Variants in SPOCK1 observed in about 807,000 individuals in gnomAD.
The protein encoded by SPOCK1 is SPARC (osteonectin), cwcv and kazal like domains proteoglycan 1, also known as testican-1.
Under a neutral mutation model 55.3 loss-of-function variants are expected in SPOCK1, and 23 were observed. The ratio of observed to expected loss-of-function variants is 0.42; its 90% CI spans 0.30 to 0.59. The LOEUF (loss-of-function observed/expected upper bound fraction) is 0.59, where lower values mean the gene tolerates loss of function less well. Among genes scored for constraint, SPOCK1 ranks in the 20% least tolerant of loss-of-function variants. SPOCK1 has a pLI of 0.22. For missense variants in SPOCK1, 499 were observed against 552.5 expected, an observed-to-expected ratio of 0.90 and a Z score of 0.97; for synonymous variants, 226 against 221.0, an observed-to-expected ratio of 1.02 and a Z score of -0.20.
In SPOCK1 at chr5:137,241,211, C is replaced by T. The variant is rs568666307; in HGVS notation, c.232+25799G>A. Among the ~76,000 whole-genome samples the T allele has an allele frequency of 3.2e-4, 48 of 152,216 alleles. 1 individual carries two copies. The South Asian group carries it at 9.8e-3, about 31-fold the overall frequency. ...AGGCCTTTAAGACATGCCTGAAAAT[C>T]CAGAAGCCATAAAATTCGAGGTTAA... On this transcript the variant is annotated intron_variant, in intron 3 of 10. Transcript: ENST00000394945.
intron 2 of SPOCK1, among the ~76,000 whole-genome samples, chr5:137,489,656 T>A (rs879351839): frequency 6.6e-6 from 1 of 152,202 alleles, no homozygotes; most frequent in Non-Finnish European, 1.5e-5. Flanking sequence ...CTTTTTGCAG[T>A]TGACTCATTC....
At chr5:137,491,935 T>C (rs1228970263) in intron 2 of SPOCK1, among the ~76,000 whole-genome samples, 1 of 152,158 alleles carries the variant, frequency 6.6e-6, no homozygotes, top group Non-Finnish European at 1.5e-5. Flanking sequence ...TTGTTGATAT[T>C]AATAAAAAGA....
intron 6 of SPOCK1, among the ~76,000 whole-genome samples, chr5:137,039,699 G>A (rs1169184393): frequency 6.6e-6 from 1 of 152,182 alleles, no homozygotes; most frequent in Non-Finnish European, 1.5e-5. Flanking sequence ...AGAGCCCTGT[G>A]TATGATTTAG....
intron 2 of SPOCK1, among the ~76,000 whole-genome samples, chr5:137,333,005 A>AT (rs1337867650): frequency 6.6e-6 from 1 of 152,168 alleles, no homozygotes; most frequent in Non-Finnish European, 1.5e-5. Flanking sequence ...CCAGAGCAGC[A>AT]TAAGTGTGGC....
intron 2 of SPOCK1, among the ~76,000 whole-genome samples, chr5:137,328,086 C>A (rs183688359): frequency 6.6e-6 from 1 of 152,234 alleles, no homozygotes; most frequent in Non-Finnish European, 1.5e-5. Context: ...GAGAGCTGAA[C>A]TCTTTGCCAG....
At chr5:137,395,841 C>A (rs1751835815) in intron 2 of SPOCK1, among the ~76,000 whole-genome samples, 1 of 152,138 alleles carries the variant, frequency 6.6e-6, no homozygotes, top group Non-Finnish European at 1.5e-5. Flanking sequence ...CCTGCATGTG[C>A]ACTTACCCTC....
chr5:137,412,180 A>G (rs1281314189), intron 2 of SPOCK1, among the ~76,000 whole-genome samples: 1 of 152,046 alleles, frequency 6.6e-6, no homozygotes, highest in African/African-American at 2.4e-5. Flanking sequence ...CACAAGCCCC[A>G]CTCCACTCAG....
chr5:137,061,637 T>C (rs577511342), intron 6 of SPOCK1, among the ~76,000 whole-genome samples: 10 of 152,102 alleles, frequency 6.6e-5, no homozygotes, highest in African/African-American at 2.2e-4. Context: ...GCCTTCTCCA[T>C]AATTTCTTAG....
intron 2 of SPOCK1, 34 bp downstream of exon 2, chr5:137,498,339 G>C (rs777226252): frequency 6.0e-5 from 92 of 1,522,332 alleles, no homozygotes; most frequent in Admixed American, 1.3e-4. Context: ...GAGAGGCTCC[G>C]CGCCCCCCAG....
intron 2 of SPOCK1, among the ~76,000 whole-genome samples, chr5:137,426,400 C>T (rs968270966): frequency 6.6e-6 from 1 of 152,186 alleles, no homozygotes; most frequent in African/African-American, 2.4e-5. Context: ...GGAACTCTTA[C>T]TCAGGTACGG....
intron 4 of SPOCK1, among the ~76,000 whole-genome samples, chr5:137,130,375 C>T (rs1365760707): frequency 6.6e-6 from 1 of 152,106 alleles, no homozygotes; most frequent in East Asian, 1.9e-4. Context: ...TGGAAGGCAC[C>T]CATAAGTATT....
chr5:137,445,878 T>G (rs1361868518), intron 2 of SPOCK1, among the ~76,000 whole-genome samples: 1 of 152,206 alleles, frequency 6.6e-6, no homozygotes, highest in Non-Finnish European at 1.5e-5. Context: ...AAATGAATGG[T>G]ATTCAGATCC....
chr5:137,008,999 A>T (rs1469963136), intron 6 of SPOCK1, among the ~76,000 whole-genome samples: 1 of 152,170 alleles, frequency 6.6e-6, no homozygotes, highest in African/African-American at 2.4e-5. Context: ...TAAAAAACGT[A>T]AAGGAAAATA....
At chr5:137,161,392 A>G (rs1231856695) in intron 3 of SPOCK1, among the ~76,000 whole-genome samples, 2 of 152,008 alleles carry the variant, frequency 1.3e-5, no homozygotes, top group African/African-American at 2.4e-5. Context: ...AGGGCATCCC[A>G]TGTTGCCCAG....
intron 4 of SPOCK1, among the ~76,000 whole-genome samples, chr5:137,139,644 G>C (rs983069734): frequency 6.6e-5 from 10 of 152,170 alleles, no homozygotes; most frequent in African/African-American, 2.4e-4. Flanking sequence ...TACAGTGCCG[G>C]TGAGCAGCAA....
At chr5:137,252,684 C>A (rs540994298) in intron 3 of SPOCK1, among the ~76,000 whole-genome samples, 2 of 152,278 alleles carry the variant, frequency 1.3e-5, no homozygotes, top group East Asian at 3.9e-4. Context: ...AGTGGTAGGG[C>A]CTTTTCTTTG....
At chr5:137,044,579 C>T (rs1462200785) in intron 6 of SPOCK1, among the ~76,000 whole-genome samples, 1 of 151,992 alleles carries the variant, frequency 6.6e-6, no homozygotes, top group East Asian at 1.9e-4. Flanking sequence ...AGGACTATTA[C>T]ATGGAAACAT....
intron 6 of SPOCK1, among the ~76,000 whole-genome samples, chr5:136,996,388 C>T (rs755032566): frequency 2.0e-5 from 3 of 152,188 alleles, no homozygotes; most frequent in Non-Finnish European, 2.9e-5. Flanking sequence ...GAGGAAAAGA[C>T]GGTGCTTTCT....
chr5:137,433,244 AT>A (rs1752787261), intron 2 of SPOCK1, among the ~76,000 whole-genome samples: 1 of 152,212 alleles, frequency 6.6e-6, no homozygotes, highest in Admixed American at 6.5e-5. Context: ...GTTACAGATG[AT>A]TCCAGGTAGA....
Sources: allele counts gnomAD v4.1 joint callset (sites outside exome capture counted in the v4.1 genomes callset), GRCh38; gene constraint gnomAD v4.1.1; transcripts MANE v1.5; gene names NCBI Gene and HGNC (gene_info 2026-07-23, HGNC 2026-07-21).